Variants in PCDH9 observed in about 807,000 individuals in gnomAD.
The protein encoded by PCDH9 is protocadherin 9.
In PCDH9, 24 loss-of-function variants were observed where a neutral mutation model predicts 70.6. The ratio of observed to expected loss-of-function variants is 0.34; its 90% confidence interval spans 0.25 to 0.48. The LOEUF (loss-of-function observed/expected upper bound fraction) is 0.48, where lower values mean the gene tolerates loss of function less well. Ranked by LOEUF, PCDH9 falls within the 20% of genes least tolerant of loss-of-function variation. The pLI, the probability that PCDH9 is intolerant of heterozygous loss-of-function variation, is 0.99. For synonymous variants in PCDH9, 562 were observed against 558.5 expected (o/e 1.01, Z -0.09); for missense variants, 1,281 against 1,503.6 (o/e 0.85, Z 2.45).
At chr13:67,132,037 A>G (rs2087123496) in intron 2 of PCDH9, among the ~76,000 whole-genome samples, 1 of 152,160 alleles carries the variant, frequency 6.6e-6, no homozygotes, top group Admixed American at 6.6e-5. Context: ...GTTATCAGGA[A>G]GCAAATGGTT....
At chr13:67,219,298 CTA>C (rs2089674014) in intron 2 of PCDH9, 1 of 151,800 alleles carries the variant, frequency 6.6e-6, no homozygotes, top group Non-Finnish European at 1.5e-5. Flanking sequence ...CTTTTTTGTT[CTA>C]TGTTTCTGGT....
chr13:66,786,903 C>T (rs933172125), intron 3 of PCDH9, among the ~76,000 whole-genome samples: 1 of 152,108 alleles, frequency 6.6e-6, no homozygotes, highest in Admixed American at 6.6e-5. Context: ...TAAAACACAA[C>T]TGATTATGAA....
chr13:66,564,925 G>T (rs534634461), intron 4 of PCDH9, among the ~76,000 whole-genome samples: 1 of 151,668 alleles, frequency 6.6e-6, no homozygotes, highest in Non-Finnish European at 1.5e-5. Context: ...CAATGGAAGG[G>T]TTATACTCAT....
intron 3 of PCDH9, among the ~76,000 whole-genome samples, chr13:66,765,383 G>A (rs373478737): frequency 6.6e-6 from 1 of 151,884 alleles, no homozygotes; most frequent in South Asian, 2.1e-4. Flanking sequence ...ATAAACACAT[G>A]CTAATGTCTT....
chr13:66,831,271 T>TACAACC (rs2080920571), intron 3 of PCDH9, among the ~76,000 whole-genome samples: 2 of 152,222 alleles, frequency 1.3e-5, no homozygotes, highest in Admixed American at 1.3e-4. Flanking sequence ...AAAATGCATC[T>TACAACC]ACAACCTCTT....
At chr13:66,601,525 CCA>C (rs1322038198) in intron 4 of PCDH9, among the ~76,000 whole-genome samples, 1 of 146,228 alleles carries the variant, frequency 6.8e-6, no homozygotes, top group Non-Finnish European at 1.5e-5. Context: ...ACTAATCAGG[CCA>C]CACATCTATT....
chr13:66,907,688 A>T (rs1310119580), intron 2 of PCDH9, among the ~76,000 whole-genome samples: 3 of 152,216 alleles, frequency 2.0e-5, no homozygotes, highest in African/African-American at 4.8e-5. Context: ...CAAAAGTTTT[A>T]TGGAAGATCT....
chr13:66,404,047 A>G (rs1858526639), intron 4 of PCDH9, among the ~76,000 whole-genome samples: 2 of 152,182 alleles, frequency 1.3e-5, no homozygotes, highest in Non-Finnish European at 2.9e-5. Flanking sequence ...AATACAGCTT[A>G]AATTTGGCAG....
intron 3 of PCDH9, among the ~76,000 whole-genome samples, chr13:66,659,566 G>T (rs559350308): frequency 1.9e-5 from 1 of 51,576 alleles, no homozygotes; most frequent in South Asian, 6.0e-4. Flanking sequence ...TGTGTGTTTG[G>T]TAGAACAAGC....
chr13:66,576,750 GT>G, intron 4 of PCDH9, among the ~76,000 whole-genome samples: 1 of 152,020 alleles, frequency 6.6e-6, no homozygotes, highest in African/African-American at 2.4e-5. Context: ...CCATTCTTGT[GT>G]GCAATGAAAT....
intron 3 of PCDH9, among the ~76,000 whole-genome samples, chr13:66,671,237 TC>T (rs2078171543): frequency 1.3e-5 from 2 of 152,220 alleles, no homozygotes; most frequent in South Asian, 4.1e-4. Context: ...AACCTCTTTT[TC>T]TTTATAAACT....
At chr13:67,032,186 C>G (rs12875136) in intron 2 of PCDH9, among the ~76,000 whole-genome samples, 52,963 of 151,986 alleles carry the variant, frequency 0.35, 10,115 homozygotes, top group East Asian at 0.58. Context: ...CTCGGTCACC[C>G]AGGCTGGAGT....
intron 2 of PCDH9, among the ~76,000 whole-genome samples, chr13:67,095,836 CA>C (rs2086308292): frequency 6.6e-6 from 1 of 152,050 alleles, no homozygotes; most frequent in African/African-American, 2.4e-5. Context: ...CGTAACAACA[CA>C]AGGTCAAAAT....
chr13:67,162,231 AT>A (rs757886884), intron 2 of PCDH9, among the ~76,000 whole-genome samples: 2 of 152,226 alleles, frequency 1.3e-5, no homozygotes, highest in Non-Finnish European at 2.9e-5. Context: ...AGATTATAAC[AT>A]TTGACAAGAT....
At chr13:66,948,719 T>A (rs1440696300) in intron 2 of PCDH9, among the ~76,000 whole-genome samples, 1 of 152,116 alleles carries the variant, frequency 6.6e-6, no homozygotes, top group African/African-American at 2.4e-5. Flanking sequence ...GGAGGAATCT[T>A]GAACTCAGCA....
At chr13:66,440,909 G>A (rs1957961728) in intron 4 of PCDH9, among the ~76,000 whole-genome samples, 1 of 151,790 alleles carries the variant, frequency 6.6e-6, no homozygotes, top group South Asian at 2.1e-4. Context: ...ATGGCTTCAC[G>A]GAAACACACA....
chr13:66,738,214 A>AC (rs1399886556), intron 3 of PCDH9, among the ~76,000 whole-genome samples: 1 of 151,180 alleles, frequency 6.6e-6, no homozygotes, highest in African/African-American at 2.4e-5. Flanking sequence ...ACTGGGAGGC[A>AC]CCCCCCAGCA....
chr13:66,833,467 C>T lies in PCDH9; in HGVS notation c.3138+70037G>A, dbSNP rs1345012336. ...ACCCTAATATTGTCTTCCTCACTCA[C>T]TCTGTACGTCTCTGGTACATAACAT... is the stretch of plus-strand genomic sequence containing the variant. On this transcript the variant is annotated intron_variant, in intron 3 of 4. Transcript: ENST00000377865. Among the ~76,000 whole-genome samples, 4 of 152,136 alleles carry T rather than the reference C, an allele frequency of 2.6e-5. 1 individual carries two copies. Among genetic ancestry groups the T allele is most frequent in the Admixed American group, 2.6e-4 (4 of 15,268 alleles).
intron 4 of PCDH9, among the ~76,000 whole-genome samples, chr13:66,545,651 T>A (rs907267343): frequency 6.6e-6 from 1 of 152,114 alleles, no homozygotes; most frequent in Non-Finnish European, 1.5e-5. Context: ...AATGCCTTAT[T>A]CAATTGTTTG....
Sources: gnomAD v4.1 joint callset for allele counts (sites outside exome capture counted in the v4.1 genomes callset) on GRCh38, gnomAD v4.1.1 for gene constraint, MANE v1.5 for transcripts, NCBI Gene and HGNC (gene_info 2026-07-23, HGNC 2026-07-21) for gene names.